The following SYN3 variants were observed in gnomAD, a reference collection of about 807,000 sequenced individuals.
SYN3 encodes the protein synapsin-3.
Under a neutral mutation model 65.8 loss-of-function variants are expected in SYN3, and 35 were observed. The observed-to-expected ratio is 0.53, with a 90% confidence interval of 0.41 to 0.70. The LOEUF is 0.70. Ranked by LOEUF, SYN3 falls within the 30% of genes least tolerant of loss-of-function variation. The probability of loss-of-function intolerance (pLI) is 0.00; values close to 1 mark genes in which losing one functional copy is unlikely to be tolerated. For missense variants in SYN3, 680 were observed against 749.0 expected (o/e 0.91, Z 1.08); for synonymous variants, 270 against 292.9 (o/e 0.92, Z 0.80).
chr22:32,721,783 T>C (rs916287818), intron 6 of SYN3, among the ~76,000 whole-genome samples: 4 of 152,192 alleles, frequency 2.6e-5, no homozygotes, highest in Admixed American at 6.5e-5. Context: ...CAATGTCAGA[T>C]GATAAATCGT....
intron 7 of SYN3, among the ~76,000 whole-genome samples, chr22:32,558,438 T>G (rs926648394): frequency 6.6e-6 from 1 of 152,210 alleles, no homozygotes; most frequent in African/African-American, 2.4e-5. Flanking sequence ...ACCCAGCTAG[T>G]AAGTGGAGGA....
In SYN3 at chr22:32,611,308, G is replaced by A. The variant is rs1463454737; in HGVS notation, c.712-14572C>T. Among the ~76,000 whole-genome samples, 35 of 124,256 alleles carry A rather than the reference G, an allele frequency of 2.8e-4. No individual in the cohort carries two copies. The South Asian group carries it at 4.7e-3, about 17-fold the overall frequency. The allele number at this position is 124,256 out of a possible 152,430, so 81.5% of individuals were successfully genotyped here. On this transcript the variant is annotated intron_variant, in intron 6 of 13. Coordinates refer to ENST00000358763, the MANE Select transcript of SYN3 (RefSeq NM_003490.4). ...TGTTTTTTTTTTTTTTTTTTTTTGTGGGGGGGATGGAGTCTCGCCCTGTTG... is the reference window on the plus strand; with the variant it reads ...TGTTTTTTTTTTTTTTTTTTTTTGTAGGGGGGATGGAGTCTCGCCCTGTTG...
chr22:32,664,858 C>G (rs111710961), intron 6 of SYN3, among the ~76,000 whole-genome samples: 1 of 151,632 alleles, frequency 6.6e-6, no homozygotes, highest in Non-Finnish European at 1.5e-5. Flanking sequence ...CCAATCTGCC[C>G]GCCTCCACCT....
intron 6 of SYN3, among the ~76,000 whole-genome samples, chr22:32,621,593 C>T (rs928349712): frequency 2.0e-5 from 3 of 152,134 alleles, no homozygotes; most frequent in African/African-American, 4.8e-5. Flanking sequence ...TCTTGCCAAG[C>T]AATGCACCTG....
chr22:32,703,544 G>A (rs1415645686), intron 6 of SYN3, among the ~76,000 whole-genome samples: 2 of 151,776 alleles, frequency 1.3e-5, no homozygotes, highest in East Asian at 1.9e-4. Flanking sequence ...GGCTGAGGCA[G>A]AAGAATGGCA....
At chr22:32,789,815 T>A (rs952017355) in intron 6 of SYN3, among the ~76,000 whole-genome samples, 1 of 152,168 alleles carries the variant, frequency 6.6e-6, no homozygotes, top group Non-Finnish European at 1.5e-5. Context: ...AAACTGACAA[T>A]CCCAGTACAG....
At chr22:32,991,669 C>A (rs1018040197) in intron 2 of SYN3, among the ~76,000 whole-genome samples, 1 of 152,196 alleles carries the variant, frequency 6.6e-6, no homozygotes, top group African/African-American at 2.4e-5. Flanking sequence ...CCTGCCCCTT[C>A]ACTCACGGAC....
chr22:32,833,392 G>A (rs914591490), intron 6 of SYN3, among the ~76,000 whole-genome samples: 2 of 152,168 alleles, frequency 1.3e-5, no homozygotes, highest in African/African-American at 4.8e-5. Flanking sequence ...GTGGGAGAAA[G>A]CCACAGGGAA....
chr22:32,672,544 T>C (rs1044181143), intron 6 of SYN3, among the ~76,000 whole-genome samples: 29 of 152,324 alleles, frequency 1.9e-4, no homozygotes, highest in Admixed American at 8.5e-4. Context: ...TTCCTGCTGC[T>C]TGGGGCAGGG....
In SYN3 at chr22:32,551,646, C is replaced by T. The variant is rs142454124; in HGVS notation, c.775-9933G>A. Among the ~76,000 whole-genome samples, 62 of 151,884 alleles carry T rather than the reference C, an allele frequency of 4.1e-4. 1 individual carries two copies. The highest frequency in any genetic ancestry group is 1.5e-3 in the African/African-American group (62 of 41,410). On this transcript the variant is annotated intron_variant, in intron 7 of 13. Transcript: ENST00000358763. ...ATGGAACACATCAATTAACAGGAGG[C>T]TATTGAACACTGATGATATACTAGA... is the stretch of plus-strand genomic sequence containing the variant.
At chr22:32,889,144 A>C (rs1224113063) in intron 4 of SYN3, among the ~76,000 whole-genome samples, 4 of 152,244 alleles carry the variant, frequency 2.6e-5, no homozygotes, top group Non-Finnish European at 4.4e-5. Flanking sequence ...CCCTGCAGTC[A>C]CTGGGGTGGA....
At chr22:32,947,753 G>A (rs1351013999) in intron 3 of SYN3, among the ~76,000 whole-genome samples, 1 of 152,170 alleles carries the variant, frequency 6.6e-6, no homozygotes, top group Non-Finnish European at 1.5e-5. Context: ...GTCTTCTATT[G>A]CTGCCATAAA....
chr22:32,692,529 G>T (rs1257606348), intron 6 of SYN3, among the ~76,000 whole-genome samples: 1 of 152,158 alleles, frequency 6.6e-6, no homozygotes, highest in Non-Finnish European at 1.5e-5. Context: ...CCACCAACAC[G>T]CTCACTGTGG....
intron 6 of SYN3, among the ~76,000 whole-genome samples, chr22:32,600,437 T>C (rs2059265554): frequency 6.6e-6 from 1 of 152,132 alleles, no homozygotes; most frequent in South Asian, 2.1e-4. Context: ...TGCAGCTCTG[T>C]TTCTAACAGG....
chr22:32,976,080 A>C (rs1347713681), intron 3 of SYN3, among the ~76,000 whole-genome samples: 1 of 152,220 alleles, frequency 6.6e-6, no homozygotes, highest in East Asian at 1.9e-4. Context: ...TTTAAGGGGA[A>C]TATCTCATCT....
intron 6 of SYN3, among the ~76,000 whole-genome samples, chr22:32,772,774 A>T (rs1481125468): frequency 1.3e-5 from 2 of 151,526 alleles, no homozygotes; most frequent in Non-Finnish European, 1.5e-5. Context: ...CAGCCAGGAG[A>T]AACTGGAAGA....
At chr22:32,769,001 C>A (rs1199125445) in intron 6 of SYN3, among the ~76,000 whole-genome samples, 1 of 152,192 alleles carries the variant, frequency 6.6e-6, no homozygotes, top group Admixed American at 6.5e-5. Context: ...TCCATGGAAA[C>A]CCTTCACTTG....
chr22:32,872,788 T>C (rs1285960740), intron 4 of SYN3, among the ~76,000 whole-genome samples: 2 of 151,974 alleles, frequency 1.3e-5, no homozygotes, highest in Non-Finnish European at 1.5e-5. Flanking sequence ...CACCCCAACA[T>C]TTAAGGTTGT....
At chr22:32,929,224 G>C (rs1307275887) in intron 4 of SYN3, among the ~76,000 whole-genome samples, 1 of 152,194 alleles carries the variant, frequency 6.6e-6, no homozygotes, top group East Asian at 1.9e-4. Flanking sequence ...GGAGGTTGCA[G>C]TGAGCCAAGA....
Sources: allele counts gnomAD v4.1 joint callset (sites outside exome capture counted in the v4.1 genomes callset), GRCh38; gene constraint gnomAD v4.1.1; transcripts MANE v1.5; gene names NCBI Gene and HGNC (gene_info 2026-07-23, HGNC 2026-07-21).